The following ABCA6 variants were observed in gnomAD, a reference collection of about 807,000 sequenced individuals.
ABCA6 encodes ATP binding cassette subfamily A member 6.
A neutral mutation model predicts 191.2 loss-of-function variants in ABCA6; 164 were observed. The ratio of observed to expected loss-of-function variants is 0.86; its 90% CI spans 0.76 to 0.98. ABCA6 has a LOEUF of 0.98. Among genes scored for constraint, ABCA6 ranks in the 50% least tolerant of loss-of-function variants. ABCA6 has a pLI of 0.00. For synonymous variants in ABCA6, 636 were observed against 647.7 expected (o/e 0.98, Z 0.27); for missense variants, 1,958 against 1,894.1 (o/e 1.03, Z -0.63).
rs200276070 is a variant in ABCA6 at position 69,113,781 on chromosome 17, G to C, written c.1783-44C>G. On this transcript the variant is annotated intron_variant, in intron 13 of 38. Coordinates refer to ENST00000284425, the MANE Select transcript of ABCA6 (RefSeq NM_080284.3). ...AACTTTTAAAATCCAAAATGAAGAA[G>C]ACATTTATGCAGCCAAAAGACACAT... 321 of 1,565,924 alleles carry C rather than the reference G, an allele frequency of 2.0e-4. 4 individuals carry two copies. The South Asian group carries it at 3.1e-3, about 15-fold the overall frequency.
chr17:69,129,683 G>A lies in ABCA6; in HGVS notation c.860C>T (p.Thr287Ile), dbSNP rs1195912471. The change falls in exon 7 of 39, where the codon ACA becomes ATA. Residue 287 changes from threonine to isoleucine, a missense_variant. Coordinates refer to ENST00000284425, the MANE Select transcript of ABCA6 (RefSeq NM_080284.3). ...AGTCATGACTATAATTTGGGTGAAT[G>A]TTATGATAATTGTAACGAATATGGA... ...IISIFVTIII[T>I]FTQIIVMTGF... 3.1e-6 allele frequency: 5 copies of A among 1,604,176 alleles called. No homozygotes were observed. The highest frequency in any genetic ancestry group is 3.4e-6 in the Non-Finnish European group (4 of 1,171,798).
chr17:69,137,398 C>A lies in ABCA6; in HGVS notation c.199G>T (p.Val67Leu), dbSNP rs1303898462. ...AAAGAAGAGCTATTAAATTTATCTA[C>A]CCTTCCCAGATTCTGAGGAGCCATT... The part of the protein sequence containing the change: ...PGMAPQNLGR[V>L]DKFNSSSLMV... The change falls in exon 3 of 39, where the codon GTA becomes TTA. Residue 67 changes from valine (V) to leucine (L), a missense_variant. Val to Leu is a conservative substitution (Grantham distance 32). Transcript: ENST00000284425. 9.9e-6 allele frequency: 16 copies of A among 1,613,602 alleles called. No homozygotes were observed. The highest frequency in any genetic ancestry group is 2.2e-5 in the East Asian group (1 of 44,838).
rs2072680023 is a variant in ABCA6 at position 69,083,013 on chromosome 17, T to C, written c.4476A>G (p.Arg1492=). 1 of 1,613,844 alleles carries C rather than the reference T, an allele frequency of 6.2e-7. No homozygotes were observed. Among genetic ancestry groups the C allele is most frequent in the Non-Finnish European group, 8.5e-7 (1 of 1,179,970 alleles). Reference sequence around the variant, plus strand: ...TCAGGTGTTGGATGGAGCCAATGCATCTATGGGCAAGAAAGAGAATATGTT... The same window carrying C: ...TCAGGTGTTGGATGGAGCCAATGCACCTATGGGCAAGAAAGAGAATATGTT... ...RVAIMVSGRL[R]CIGSIQHLKN... is the part of the protein sequence containing the mutation. Residue 1492 remains arginine (R), a splice_region_variant and synonymous_variant, in exon 36 of 39, where the codon AGA becomes AGG. Transcript: ENST00000284425.
At chr17:69,129,819 G>A in intron 6 of ABCA6, 68 bp from the exon 7 acceptor site, 1 of 1,217,782 alleles carries the variant, frequency 8.2e-7, no homozygotes, top group Non-Finnish European at 1.1e-6. Context: ...ATATACAAAA[G>A]CATCTAAAGA....
Position 69,134,561 on chromosome 17 carries a change from A to G in ABCA6, c.564+78T>C, listed in dbSNP as rs976356666. On this transcript the variant is annotated intron_variant, in intron 5 of 38. Transcript: ENST00000284425. ...GTAGCAGTACAAACGGACTAAGACA[A>G]TTATCTTTCATCAAAAATCTTGAGG... 3.9e-6 allele frequency: 4 copies of G among 1,031,448 alleles called. No individual in the cohort carries two copies. The African/African-American group carries it at 6.4e-5, about 17-fold the overall frequency. The allele number at this position is 1,031,448 out of a possible 1,614,324, so 63.9% of individuals were successfully genotyped here.
chr17:69,083,147 T>G, intron 35 of ABCA6, 65 bp downstream of exon 35: 1 of 1,561,420 alleles, frequency 6.4e-7, no homozygotes, highest in South Asian at 1.2e-5. Context: ...CACACAGGGA[T>G]TTTTGCCCTT....
chr17:69,114,102 G>A (rs1437125211), intron 13 of ABCA6, among the ~76,000 whole-genome samples: 1 of 152,056 alleles, frequency 6.6e-6, no homozygotes, highest in Admixed American at 6.6e-5. Context: ...CTGCTATAAA[G>A]ACACATGCAC....
Position 69,123,323 on chromosome 17 carries a change from A to T in ABCA6, c.1352T>A (p.Ile451Asn). The change falls in exon 10 of 39, where the codon ATT (isoleucine) becomes AAT (asparagine). Residue 451 changes from isoleucine to asparagine, a missense_variant. Transcript: ENST00000284425. ...ATGCTCAGCATCGATTTCTTTCTCA[A>T]TAACCTTAGCATTAGTCCTTTGGTG... The part of the protein sequence containing the change: ...FQHQRTNAKV[I>N]EKEIDAEHPS... The T allele has an allele frequency of 1.3e-6, 2 of 1,579,294 alleles. No individual in the cohort carries two copies. The highest frequency in any genetic ancestry group is 1.7e-6 in the Non-Finnish European group (2 of 1,158,292).
chr17:69,129,718 G>A lies in ABCA6; in HGVS notation c.825C>T (p.Ile275=). Residue 275 remains isoleucine, a synonymous_variant, in exon 7 of 39, where the codon ATC becomes ATT. Transcript: ENST00000284425. ...TTGTAACGAATATGGAAATAATAAA[G>A]ATGAAGCCAGCATAGATTAGACCCC... ...LSWGLIYAGF[I]FIISIFVTII... 1.9e-6 allele frequency: 3 copies of A among 1,604,604 alleles called. No individual in the cohort carries two copies. The highest frequency in any genetic ancestry group is 2.6e-6 in the Non-Finnish European group (3 of 1,172,980).
chr17:69,094,169 C>T (rs887210960), intron 25 of ABCA6: 1 of 152,196 alleles, frequency 6.6e-6, no homozygotes, highest in African/African-American at 2.4e-5. Context: ...ACACCTTAAT[C>T]ACCATGTTAG....
intron 27 of ABCA6, among the ~76,000 whole-genome samples, chr17:69,089,249 CA>C (rs1034517295): frequency 6.6e-6 from 1 of 152,062 alleles, no homozygotes; most frequent in African/African-American, 2.4e-5. Context: ...GATAAGCAAA[CA>C]AAAAATTAAT....
rs1567994787 is a variant in ABCA6 at position 69,084,309 on chromosome 17, A to G, written c.4307T>C (p.Leu1436Pro). Reference protein sequence around the residue: ...SLLGNSPVLLLDEPSTGIDPT... With the variant: ...SLLGNSPVLLPDEPSTGIDPT... Reference sequence around the variant, plus strand: ...GTCTATGCCCGTAGATGGTTCATCCAGGAGCAAGACAGGTGAGTTTCCCAG... The same window carrying G: ...GTCTATGCCCGTAGATGGTTCATCCGGGAGCAAGACAGGTGAGTTTCCCAG... Residue 1436 changes from leucine to proline, a missense_variant, in exon 34 of 39, where the codon CTG becomes CCG. Physicochemically the swap from Leu to Pro is moderately conservative, Grantham distance 98. Transcript: ENST00000284425. The G allele has an allele frequency of 6.2e-7, 1 of 1,614,212 alleles. No homozygotes were observed. Among genetic ancestry groups the G allele is most frequent in the East Asian group, 2.2e-5 (1 of 44,884 alleles).
At chr17:69,090,525 C>T (rs1432802467) in intron 26 of ABCA6, among the ~76,000 whole-genome samples, 1 of 152,224 alleles carries the variant, frequency 6.6e-6, no homozygotes, top group South Asian at 2.1e-4. Context: ...AACACACCAG[C>T]TGTGCCTTGT....
Position 69,137,429 on chromosome 17 carries a change from A to C in ABCA6, c.168T>G (p.Phe56Leu). 6.2e-7 allele frequency: 1 copy of C among 1,613,770 alleles called. No individual in the cohort carries two copies. The highest frequency in any genetic ancestry group is 8.5e-7 in the Non-Finnish European group (1 of 1,179,798). Residue 56 changes from phenylalanine to leucine, a missense_variant, in exon 3 of 39, where the codon TTT becomes TTG. Physicochemically the swap from Phe to Leu is conservative, Grantham distance 22. Transcript: ENST00000284425. ...CCAGATTCTGAGGAGCCATTCCAGG[A>C]AACTGGACATTTCTCATGGAACTGG... ...LFSSSMRNVQ[F>L]PGMAPQNLGR...
rs751716792 is a variant in ABCA6, at chr17:69,089,449, G to A, written c.3606+16C>T. 6.8e-6 allele frequency: 11 copies of A among 1,611,428 alleles called. No individual in the cohort carries two copies. Among genetic ancestry groups the A allele is most frequent in the Non-Finnish European group, 9.3e-6 (11 of 1,178,236 alleles). ...CATCCAAAAGAATGTGTGCTGAGGTGGAAAGCCCTTCTTACTATGAAGCAG... is the reference window on the plus strand; with the variant it reads ...CATCCAAAAGAATGTGTGCTGAGGTAGAAAGCCCTTCTTACTATGAAGCAG... On this transcript the variant is annotated intron_variant, in intron 27 of 38. Transcript: ENST00000284425.
At chr17:69,135,720 C>T in intron 4 of ABCA6, 1 of 343,260 alleles carries the variant, frequency 2.9e-6, no homozygotes, top group Admixed American at 4.7e-5. Context: ...TTCTCTAATC[C>T]CACTATTAGG....
chr17:69,137,663 T>A (rs1025713256), intron 2 of ABCA6, among the ~76,000 whole-genome samples, 163 bp from the exon 3 acceptor site: 3 of 152,188 alleles, frequency 2.0e-5, no homozygotes, highest in Non-Finnish European at 4.4e-5. Flanking sequence ...GAAAGATAAA[T>A]ACTGAGACAG....
At chr17:69,105,956 T>C in intron 19 of ABCA6, 72 bp downstream of exon 19, 4 of 1,468,440 alleles carry the variant, frequency 2.7e-6, no homozygotes, top group Non-Finnish European at 3.6e-6. Context: ...CGTTCTAGTT[T>C]TAAATTATCT....
At chr17:69,107,665 G>T in intron 18 of ABCA6, 31 bp downstream of exon 18, 3 of 1,372,302 alleles carry the variant, frequency 2.2e-6, no homozygotes, top group South Asian at 1.2e-5. Context: ...TTTGGGAATT[G>T]GTTTTCTGTG....
Sources: allele counts gnomAD v4.1 joint callset (sites outside exome capture counted in the v4.1 genomes callset), GRCh38; gene constraint gnomAD v4.1.1; transcripts MANE v1.5; gene names NCBI Gene and HGNC (gene_info 2026-07-23, HGNC 2026-07-21).